Variants in HMCN1 observed in about 807,000 individuals in gnomAD.
HMCN1 encodes the protein hemicentin-1.
HMCN1 carries 321 observed loss-of-function variants against 625.9 expected under a neutral mutation model. The observed-to-expected ratio is 0.51, with a 90% CI of 0.47 to 0.56. The LOEUF (loss-of-function observed/expected upper bound fraction) is 0.56, where lower values mean the gene tolerates loss of function less well. Ranked by LOEUF, HMCN1 falls within the 20% of genes least tolerant of loss-of-function variation. The pLI is 0.00. For synonymous variants in HMCN1, 2,425 were observed against 2,417.6 expected (o/e 1.00, Z -0.09); for missense variants, 6,588 against 6,887.3 (o/e 0.96, Z 1.54).
At chr1:185,780,036 G>T (rs1276039266) in intron 1 of HMCN1, among the ~76,000 whole-genome samples, 1 of 152,174 alleles carries the variant, frequency 6.6e-6, no homozygotes, top group East Asian at 1.9e-4. Flanking sequence ...GCAGAGGTTT[G>T]TAGTTCTCCT....
Position 186,003,762 on chromosome 1 carries a change from G to A in HMCN1, c.4393G>A (p.Val1465Ile). The change falls in exon 29 of 107, where the codon GTT becomes ATT. Residue 1465 changes from valine (V) to isoleucine (I), a missense_variant. Val to Ile is a conservative substitution (Grantham distance 29, BLOSUM62 3). Around this residue, in one of 3 missense-constraint regions of HMCN1, gnomAD observed 4,628 missense variants for 4,853.1 expected, o/e 0.95. Transcript: ENST00000271588. ...IGTNFPNEVSVVLNRDVALEC... is the reference protein window; with the variant it reads ...IGTNFPNEVSIVLNRDVALEC... ...TACCAACTTCCCAAATGAAGTCTCA[G>A]TTGTCCTCAACCGTGACGTCGCCCT... 6.2e-7 allele frequency: 1 copy of A among 1,613,152 alleles called. No homozygotes were observed. Among genetic ancestry groups the A allele is most frequent in the Non-Finnish European group, 8.5e-7 (1 of 1,179,276 alleles).
intron 10 of HMCN1, among the ~76,000 whole-genome samples, chr1:185,931,031 A>T (rs970417379): frequency 6.6e-6 from 1 of 152,036 alleles, no homozygotes; most frequent in Non-Finnish European, 1.5e-5. Flanking sequence ...TTAAATTATA[A>T]TTACAGAATA....
At chr1:185,869,561 GTT>G (rs1163574893) in intron 4 of HMCN1, among the ~76,000 whole-genome samples, 1 of 151,872 alleles carries the variant, frequency 6.6e-6, no homozygotes, top group African/African-American at 2.4e-5. Flanking sequence ...AGGCTGGACA[GTT>G]TTCTTTTTTC....
chr1:186,087,189 C>T, intron 58 of HMCN1, 28 bp from the exon 59 acceptor site: 1 of 1,417,864 alleles, frequency 7.1e-7, no homozygotes, highest in Non-Finnish European at 1.0e-6. Context: ...GTATACCACT[C>T]TACAATTTGC....
In HMCN1 at chr1:185,752,318, G is replaced by T. The variant is rs145362722; in HGVS notation, c.268+17271G>T. On this transcript the variant is annotated intron_variant, in intron 1 of 106. Coordinates refer to ENST00000271588, the MANE Select transcript of HMCN1 (RefSeq NM_031935.3). ...CAGCTTTATAAAAGAGTACTCTATT[G>T]TAGCTCTCTGACCAAAAAAAGGCTG... 8.3e-3 allele frequency among the ~76,000 whole-genome samples: 1,262 copies of T among 152,064 alleles called. 12 individuals are homozygous for T. Among genetic ancestry groups the T allele is most frequent in the Middle Eastern group, 0.027 (8 of 294 alleles).
intron 1 of HMCN1, among the ~76,000 whole-genome samples, chr1:185,739,010 C>T (rs907025462): frequency 6.6e-6 from 1 of 151,328 alleles, no homozygotes; most frequent in African/African-American, 2.5e-5. Context: ...TTTCAGTCCT[C>T]ATCCTCCCCC....
At chr1:185,776,869 C>T (rs1018861268) in intron 1 of HMCN1, among the ~76,000 whole-genome samples, 2 of 152,136 alleles carry the variant, frequency 1.3e-5, no homozygotes, top group Non-Finnish European at 2.9e-5. Flanking sequence ...GATTTTCTTT[C>T]AGTAATTGCT....
At position 186,137,900 on chromosome 1, in the gene HMCN1, G is replaced by A; in HGVS notation, c.13852G>A (p.Val4618Ile). The stretch of plus-strand genomic sequence containing the variant: ...GACCAGGACTTGCAATAATCCATCA[G>A]TTCAGCATGGTGGGCGGCCATGTGA... ...TRTRTCNNPS[V>I]QHGGRPCEGN... Residue 4618 changes from valine to isoleucine, a missense_variant, in exon 89 of 107, where the codon GTT (valine) becomes ATT (isoleucine). Transcript: ENST00000271588. The A allele has an allele frequency of 6.2e-7, 1 of 1,614,122 alleles. No homozygotes were observed. Among genetic ancestry groups the A allele is most frequent in the Non-Finnish European group, 8.5e-7 (1 of 1,179,982 alleles).
chr1:185,811,091 G>A (rs1398023856), intron 1 of HMCN1, among the ~76,000 whole-genome samples: 1 of 152,102 alleles, frequency 6.6e-6, no homozygotes, highest in Non-Finnish European at 1.5e-5. Context: ...GTATCTGAGA[G>A]TTTTAGTCTC....
At chr1:185,986,605 C>G (rs774817633) in intron 19 of HMCN1, among the ~76,000 whole-genome samples, 1 of 151,960 alleles carries the variant, frequency 6.6e-6, no homozygotes, top group African/African-American at 2.4e-5. Context: ...CCTTTTGCTT[C>G]TACTCATGTT....
intron 67 of HMCN1, 25 bp downstream of exon 67, chr1:186,094,398 T>C (rs1270049118): frequency 1.0e-5 from 16 of 1,533,624 alleles, no homozygotes; most frequent in Non-Finnish European, 1.4e-5. Flanking sequence ...AATGACCCTA[T>C]TACTTTGCTA....
chr1:185,854,622 T>C (rs1262051695), intron 2 of HMCN1, among the ~76,000 whole-genome samples: 1 of 152,176 alleles, frequency 6.6e-6, no homozygotes, highest in Non-Finnish European at 1.5e-5. Context: ...TTAAACTAGG[T>C]CTCTATCCTT....
chr1:185,985,467 A>AT (rs1215649970), intron 19 of HMCN1, among the ~76,000 whole-genome samples: 1 of 152,124 alleles, frequency 6.6e-6, no homozygotes. Context: ...CTGAGGCTGA[A>AT]TTTTCACTTG....
chr1:185,801,177 A>T (rs1658768740), intron 1 of HMCN1, among the ~76,000 whole-genome samples: 1 of 152,210 alleles, frequency 6.6e-6, no homozygotes, highest in African/African-American at 2.4e-5. Flanking sequence ...GCTACTATGA[A>T]AGACTTGCAT....
In HMCN1 at chr1:186,182,176, G is replaced by T; in HGVS notation, c.16303G>T (p.Glu5435Ter). 1 of 1,613,134 alleles carries T rather than the reference G, an allele frequency of 6.2e-7. No individual in the cohort carries two copies. Among genetic ancestry groups the T allele is most frequent in the South Asian group, 1.1e-5 (1 of 91,048 alleles). Residue 5435 changes from glutamate to a stop codon, truncating the protein, a stop_gained, in exon 105 of 107, where the codon GAA (glutamate) becomes TAA (stop). Transcript: ENST00000271588. LOFTEE classifies it high-confidence loss of function. The stretch of plus-strand genomic sequence containing the variant: ...GTCTTCTTCCTGAACAGATATTGAT[G>T]AATGTGAAAATACAGATGCCTGCCA... ...ASHDTCVDID[E>*]CENTDACQHE...
Position 186,090,804 on chromosome 1 carries a change from C to T in HMCN1, c.9774C>T (p.Val3258=). 1 of 1,612,652 alleles carries T rather than the reference C, an allele frequency of 6.2e-7. No homozygotes were observed. Among genetic ancestry groups the T allele is most frequent in the Non-Finnish European group, 8.5e-7 (1 of 1,179,060 alleles). The change falls in exon 64 of 107, where the codon GTC becomes GTT. Residue 3258 remains valine (V), a synonymous_variant. Transcript: ENST00000271588. ...CTGAAATTCCAAGTGATGTCAGTGT[C>T]CTTCTAGGAGAAAATGTTGAGCTGG... ...AGAEIPSDVS[V]LLGENVELVC...
intron 80 of HMCN1, among the ~76,000 whole-genome samples, chr1:186,122,424 A>G (rs2057387): frequency 0.49 from 74,037 of 151,384 alleles, 19,828 homozygotes; most frequent in African/African-American, 0.7. Flanking sequence ...TTCCAAATAA[A>G]TGGGAAGAGT....
At chr1:185,845,048 A>C (rs1344360085) in intron 1 of HMCN1, among the ~76,000 whole-genome samples, 1 of 152,206 alleles carries the variant, frequency 6.6e-6, no homozygotes, top group African/African-American at 2.4e-5. Flanking sequence ...TGTGTAGTAC[A>C]TCTGGGCGGT....
intron 16 of HMCN1, 46 bp from the exon 17 acceptor site, chr1:185,980,932 T>A: frequency 8.8e-7 from 1 of 1,130,898 alleles, no homozygotes; most frequent in Non-Finnish European, 1.4e-6. Flanking sequence ...ACATAGTTAA[T>A]TCTCCATAGA....
Sources: allele counts gnomAD v4.1 joint callset (sites outside exome capture counted in the v4.1 genomes callset), GRCh38; gene constraint gnomAD v4.1.1; regional missense constraint gnomAD v4.1.1; transcripts MANE v1.5; gene names NCBI Gene and HGNC (gene_info 2026-07-23, HGNC 2026-07-21).